Variants in TMEM38B observed in about 807,000 individuals in gnomAD.
TMEM38B encodes trimeric intracellular cation channel type B.
TMEM38B carries 24 observed loss-of-function variants against 28.7 expected under a neutral mutation model. The ratio of observed to expected loss-of-function variants is 0.84; its 90% confidence interval spans 0.61 to 1.18. The LOEUF is 1.18. TMEM38B is among the 50% of genes most tolerant of loss of function. The probability of loss-of-function intolerance (pLI) is 0.00; values close to 1 mark genes in which losing one functional copy is unlikely to be tolerated. For synonymous variants in TMEM38B, 131 were observed against 127.7 expected (o/e 1.03, Z -0.17); for missense variants, 380 against 350.9 (o/e 1.08, Z -0.66).
intron 5 of TMEM38B, chr9:105,749,088 AGAT>A: frequency 7.7e-7 from 1 of 1,303,918 alleles, no homozygotes; most frequent in Non-Finnish European, 1.0e-6. Context: ...TCTGAATTGG[AGAT>A]GATCTGTGGC....
At chr9:105,733,380 T>A (rs1182065410) in intron 4 of TMEM38B, among the ~76,000 whole-genome samples, 1 of 151,768 alleles carries the variant, frequency 6.6e-6, no homozygotes, top group East Asian at 1.9e-4. Flanking sequence ...GTTTTTTACA[T>A]CAATTTTCAT....
intron 4 of TMEM38B, among the ~76,000 whole-genome samples, chr9:105,736,405 T>A (rs1350593727): frequency 9.9e-5 from 15 of 152,236 alleles, no homozygotes; most frequent in East Asian, 5.8e-4. Flanking sequence ...ATTTTTTTTT[T>A]AAATTCATTC....
intron 4 of TMEM38B, among the ~76,000 whole-genome samples, chr9:105,746,053 T>G (rs945806622): frequency 1.8e-4 from 28 of 152,220 alleles, no homozygotes; most frequent in African/African-American, 6.0e-4. Flanking sequence ...AGGATTGACT[T>G]GGCAATGCGG....
At chr9:105,719,094 A>C (rs1441873796) in intron 2 of TMEM38B, among the ~76,000 whole-genome samples, 1 of 152,218 alleles carries the variant, frequency 6.6e-6, no homozygotes, top group Non-Finnish European at 1.5e-5. Flanking sequence ...GTTCTCAATG[A>C]CTAAGCCTGG....
At chr9:105,718,167 A>C (rs1376563861) in intron 2 of TMEM38B, among the ~76,000 whole-genome samples, 2 of 152,142 alleles carry the variant, frequency 1.3e-5, no homozygotes, top group African/African-American at 2.4e-5. Context: ...GCTTAAAGAC[A>C]TAGTGTATTT....
intron 4 of TMEM38B, among the ~76,000 whole-genome samples, chr9:105,732,976 T>G (rs1407404704): frequency 6.6e-6 from 1 of 152,184 alleles, no homozygotes; most frequent in Non-Finnish European, 1.5e-5. Flanking sequence ...CATTTCTGCC[T>G]TCATTTCGTT....
chr9:105,768,746 C>T (rs1826454630), intron 5 of TMEM38B, among the ~76,000 whole-genome samples: 1 of 151,944 alleles, frequency 6.6e-6, no homozygotes, highest in Non-Finnish European at 1.5e-5. Context: ...GTGGTAATGT[C>T]TCCACTTTCA....
chr9:105,707,565 T>C (rs1395514275), intron 2 of TMEM38B, among the ~76,000 whole-genome samples: 2 of 152,154 alleles, frequency 1.3e-5, no homozygotes, highest in African/African-American at 4.8e-5. Flanking sequence ...CAAATAATAG[T>C]AGCAATGGGA....
chr9:105,746,105 C>G (rs927281880), intron 4 of TMEM38B, among the ~76,000 whole-genome samples: 3 of 152,182 alleles, frequency 2.0e-5, no homozygotes, highest in South Asian at 2.1e-4. Flanking sequence ...TAGTTTTTTC[C>G]AATTCTGTGG....
At chr9:105,737,453 G>A (rs772303163) in intron 4 of TMEM38B, among the ~76,000 whole-genome samples, 4 of 152,190 alleles carry the variant, frequency 2.6e-5, no homozygotes, top group Non-Finnish European at 5.9e-5. Flanking sequence ...AGAGGCCCAA[G>A]TTTTGTCAGG....
At chr9:105,742,069 A>T (rs1837226801) in intron 4 of TMEM38B, among the ~76,000 whole-genome samples, 1 of 152,216 alleles carries the variant, frequency 6.6e-6, no homozygotes, top group Admixed American at 6.5e-5. Context: ...GGAAATATTA[A>T]ATCAGAAGAA....
chr9:105,705,898 A>AG lies in TMEM38B; in HGVS notation c.269+149dup, dbSNP rs199874260. ...CAAGGAAGGAACCCAAATAATGCTA[A>AG]GGGGTTTTTTTTTTTTTTTTGAGAC... On this transcript the variant is annotated intron_variant, in intron 2 of 5. Coordinates refer to ENST00000374692, the MANE Select transcript of TMEM38B (RefSeq NM_018112.3). 1.3e-5 allele frequency: 10 copies of AG among 741,918 alleles called. 1 individual carries two copies. In the Admixed American group the frequency reaches 2.2e-4, roughly 16 times the overall value. 46.0% of individuals were successfully genotyped at this position (741,918 alleles called of 1,614,324 possible).
chr9:105,773,803 CTCTCTCTTGAGAA>C, intron 5 of TMEM38B, 49 bp from the exon 6 acceptor site: 1 of 1,502,554 alleles, frequency 6.7e-7, no homozygotes, highest in Non-Finnish European at 9.1e-7. Flanking sequence ...CCTTTTGTTT[CTCTCTCTTGAGAA>C]ACAGAAATCA....
chr9:105,746,231 T>C (rs1004080340), intron 4 of TMEM38B, among the ~76,000 whole-genome samples: 5 of 94,802 alleles, frequency 5.3e-5, no homozygotes, highest in Non-Finnish European at 8.9e-5. Context: ...TGTTCTTCCA[T>C]TTGTATCCTC....
chr9:105,759,037 A>G, intron 5 of TMEM38B: 3 of 878,266 alleles, frequency 3.4e-6, no homozygotes, highest in Non-Finnish European at 5.9e-6. Context: ...ACACTACAAA[A>G]CAAATCAGAT....
At chr9:105,703,861 T>C (rs986394095) in intron 1 of TMEM38B, among the ~76,000 whole-genome samples, 16 of 152,332 alleles carry the variant, frequency 1.1e-4, no homozygotes, top group African/African-American at 3.6e-4. Flanking sequence ...GAGAAGTGTC[T>C]GTTCATGTCC....
chr9:105,746,317 G>C (rs1837391467), intron 4 of TMEM38B, among the ~76,000 whole-genome samples: 1 of 152,112 alleles, frequency 6.6e-6, no homozygotes, highest in African/African-American at 2.4e-5. Context: ...GGATTCCTAG[G>C]TATTTTATTC....
At position 105,698,892 on chromosome 9, in the gene TMEM38B, T is replaced by A. The variant is rs896938131; in HGVS notation, c.112+4120T>A. Among the ~76,000 whole-genome samples, 4 of 152,182 alleles carry A rather than the reference T, an allele frequency of 2.6e-5. No individual in the cohort carries two copies. The East Asian group carries it at 7.7e-4, about 29-fold the overall frequency. ...TCTTATTTTTTTTCCAATCCAGACC[T>A]AAGTCATTTTGGTAATTTATGTCTC... On this transcript the variant is annotated intron_variant, in intron 1 of 5. Coordinates refer to ENST00000374692, the MANE Select transcript of TMEM38B (RefSeq NM_018112.3).
chr9:105,774,869 A>G lies in TMEM38B; in HGVS notation c.*789A>G, dbSNP rs764684360. The G allele has an allele frequency of 2.6e-5, 4 of 151,896 alleles. No individual in the cohort carries two copies. Among genetic ancestry groups the G allele is most frequent in the Non-Finnish European group, 5.9e-5 (4 of 67,914 alleles). 9.4% of individuals were successfully genotyped at this position (151,896 alleles called of 1,614,324 possible). A position where few individuals can be genotyped will look rare whatever the true frequency, so the allele number is the denominator to read the frequency against. The stretch of plus-strand genomic sequence containing the variant: ...TTGTAATTTTCATTTTAGGAGCTTG[A>G]CTTATTTTTTTCTCTCTCATAAAAA... On this transcript the variant is annotated 3_prime_UTR_variant, in exon 6 of 6. Transcript: ENST00000374692.
Sources: allele counts gnomAD v4.1 joint callset (sites outside exome capture counted in the v4.1 genomes callset), GRCh38; gene constraint gnomAD v4.1.1; transcripts MANE v1.5; gene names NCBI Gene and HGNC (gene_info 2026-07-23, HGNC 2026-07-21).